TRPM3: variants seen among roughly 807,000 people sequenced by gnomAD.
TRPM3 encodes the protein long transient receptor potential channel 3.
TRPM3 carries 77 observed loss-of-function variants against 181.2 expected under a neutral mutation model. That is an observed-to-expected ratio of 0.42 (90% CI 0.35 to 0.51). The LOEUF is 0.51. Ranked by LOEUF, TRPM3 falls within the 20% of genes least tolerant of loss-of-function variation. The pLI is 0.01. For missense variants in TRPM3, 1,759 were observed against 2,196.7 expected, an observed-to-expected ratio of 0.80 and a Z score of 3.98; for synonymous variants, 745 against 796.4, an observed-to-expected ratio of 0.94 and a Z score of 1.09.
chr9:70,549,800 G>T, intron 24 of TRPM3, 126 bp from the exon 25 acceptor site: 1 of 942,906 alleles, frequency 1.1e-6, no homozygotes. Context: ...TCCTTGTTAA[G>T]TCTCAAATGA....
chr9:71,263,712 G>A (rs138677109), intron 1 of TRPM3, among the ~76,000 whole-genome samples: 25 of 151,688 alleles, frequency 1.6e-4, no homozygotes, highest in East Asian at 9.8e-4. Flanking sequence ...ATATGTACAA[G>A]GGCCTTGGAA....
At chr9:70,937,253 T>C (rs2096837332) in intron 1 of TRPM3, among the ~76,000 whole-genome samples, 1 of 152,166 alleles carries the variant, frequency 6.6e-6, no homozygotes, top group Non-Finnish European at 1.5e-5. Context: ...TAGAATTAAA[T>C]TTAGGTTCCA....
chr9:71,159,002 C>T (rs2076141520), intron 1 of TRPM3, among the ~76,000 whole-genome samples: 1 of 151,946 alleles, frequency 6.6e-6, no homozygotes, highest in South Asian at 2.1e-4. Flanking sequence ...CTCAGGCCCT[C>T]AAACTATACC....
intron 8 of TRPM3, among the ~76,000 whole-genome samples, chr9:70,700,892 T>A (rs769945271): frequency 6.6e-6 from 1 of 152,190 alleles, no homozygotes; most frequent in Non-Finnish European, 1.5e-5. Flanking sequence ...AGAAAGCAAC[T>A]CTGGTATGAT....
rs1382822612 is a variant in TRPM3, at chr9:70,535,158, G to A, written c.*795C>T. 3 of 364,784 alleles carry A rather than the reference G, an allele frequency of 8.2e-6. No individual in the cohort carries two copies. The highest frequency in any genetic ancestry group is 1.5e-5 in the Non-Finnish European group (3 of 205,464). The allele number at this position is 364,784 out of a possible 1,614,324, so 22.6% of individuals were successfully genotyped here. ...TAATTACATTCTCCTGAGCTTGCTC[G>A]ACTAGACTTGAACGCCCACTGTATA... On this transcript the variant is annotated 3_prime_UTR_variant, in exon 26 of 26. Transcript: ENST00000677713.
At chr9:70,671,673 A>G (rs950765412) in intron 9 of TRPM3, among the ~76,000 whole-genome samples, 1 of 152,214 alleles carries the variant, frequency 6.6e-6, no homozygotes, top group African/African-American at 2.4e-5. Flanking sequence ...TCCAGTTTTT[A>G]TCTGCTGAAT....
intron 1 of TRPM3, among the ~76,000 whole-genome samples, chr9:71,244,175 G>A (rs1446913319): frequency 6.6e-6 from 1 of 152,156 alleles, no homozygotes; most frequent in Non-Finnish European, 1.5e-5. Flanking sequence ...GTCCTCAAAG[G>A]GGAGGTACAG....
At chr9:70,847,951 CG>C (rs1360076143) in intron 3 of TRPM3, among the ~76,000 whole-genome samples, 2 of 151,930 alleles carry the variant, frequency 1.3e-5, no homozygotes, top group Non-Finnish European at 2.9e-5. Context: ...ATAATTCTCA[CG>C]GGGAAATAAG....
At chr9:70,541,667 A>G (rs2043399207) in intron 25 of TRPM3, among the ~76,000 whole-genome samples, 1 of 152,116 alleles carries the variant, frequency 6.6e-6, no homozygotes, top group Non-Finnish European at 1.5e-5. Context: ...ATGCATCACC[A>G]TGCAAGGCTA....
rs761768732 is a variant in TRPM3 at position 70,598,531 on chromosome 9, C to T, written c.2936G>A (p.Ser979Asn). Reference protein sequence around the residue: ...ILRLQDQPFRSDGRVIYCVNI... With the variant: ...ILRLQDQPFRNDGRVIYCVNI... ...CACGCAGTAGATGACCCTCCCGTCA[C>T]TCCTGAAGGGCTGGTCTTGGAGACG... Residue 979 changes from serine (S) to asparagine (N), a missense_variant, in exon 21 of 26, where the codon AGT becomes AAT. Ser to Asn is a conservative substitution (Grantham distance 46). Around this residue, in one of 8 missense-constraint regions of TRPM3, gnomAD observed 100 missense variants for 123.0 expected, o/e 0.81. Transcript: ENST00000677713. The T allele has an allele frequency of 6.2e-7, 1 of 1,614,232 alleles. No individual in the cohort carries two copies. Among genetic ancestry groups the T allele is most frequent in the Non-Finnish European group, 8.5e-7 (1 of 1,180,042 alleles).
At chr9:70,791,683 T>G (rs1370631880) in intron 6 of TRPM3, among the ~76,000 whole-genome samples, 1 of 152,178 alleles carries the variant, frequency 6.6e-6, no homozygotes, top group African/African-American at 2.4e-5. Context: ...GTCAAGACAC[T>G]GAAAATATAG....
At chr9:70,765,653 G>C (rs11142575) in intron 7 of TRPM3, among the ~76,000 whole-genome samples, 23,203 of 152,092 alleles carry the variant, frequency 0.15, 2,359 homozygotes, top group East Asian at 0.39. Context: ...ATAAGTATTT[G>C]CTCTGCTGAA....
chr9:70,557,711 G>A (rs2048063957), intron 22 of TRPM3, among the ~76,000 whole-genome samples: 1 of 152,210 alleles, frequency 6.6e-6, no homozygotes, highest in Admixed American at 6.5e-5. Context: ...GTAGGCTGGT[G>A]ACTTCCCCTG....
intron 1 of TRPM3, among the ~76,000 whole-genome samples, chr9:71,284,278 C>G (rs1012482282): frequency 6.6e-6 from 1 of 152,196 alleles, no homozygotes; most frequent in African/African-American, 2.4e-5. Context: ...AAATTAACTT[C>G]CATTTCAACT....
chr9:71,015,435 A>G (rs1234598506), intron 1 of TRPM3, among the ~76,000 whole-genome samples: 1 of 152,220 alleles, frequency 6.6e-6, no homozygotes, highest in Non-Finnish European at 1.5e-5. Flanking sequence ...ATAATTTCCC[A>G]TGTTCCAGAT....
chr9:71,257,768 GAC>G (rs2082765179), intron 1 of TRPM3, among the ~76,000 whole-genome samples: 1 of 152,234 alleles, frequency 6.6e-6, no homozygotes, highest in Non-Finnish European at 1.5e-5. Flanking sequence ...TTAAAGCTGA[GAC>G]AGAGTACTGG....
intron 1 of TRPM3, among the ~76,000 whole-genome samples, chr9:71,313,644 A>C (rs920710648): frequency 1.3e-5 from 2 of 152,128 alleles, no homozygotes; most frequent in Non-Finnish European, 2.9e-5. Flanking sequence ...GAGATAACAT[A>C]GTCTTTAGGT....
intron 1 of TRPM3, among the ~76,000 whole-genome samples, chr9:71,032,042 ATATAT>A (rs2057478455): frequency 3.2e-4 from 1 of 3,140 alleles, no homozygotes; most frequent in Non-Finnish European, 8.7e-4. Flanking sequence ...AAATATATAT[ATATAT>A]ATTATATATA....
At chr9:71,377,124 G>A (rs2092685761) in intron 1 of TRPM3, among the ~76,000 whole-genome samples, 1 of 152,064 alleles carries the variant, frequency 6.6e-6, no homozygotes, top group South Asian at 2.1e-4. Context: ...ACTTTTTGGA[G>A]ATGCCGAATT....
Sources: gnomAD v4.1 joint callset for allele counts (sites outside exome capture counted in the v4.1 genomes callset) on GRCh38, gnomAD v4.1.1 for gene constraint, gnomAD v4.1.1 regional missense constraint, MANE v1.5 for transcripts, NCBI Gene and HGNC (gene_info 2026-07-23, HGNC 2026-07-21) for gene names.